Variants in CTNNA3 observed in about 807,000 individuals in gnomAD.
CTNNA3 encodes catenin alpha-3.
CTNNA3 carries 76 observed loss-of-function variants against 95.7 expected under a neutral mutation model. The ratio of observed to expected loss-of-function variants is 0.79; its 90% CI spans 0.66 to 0.96. The LOEUF is 0.96. Among genes scored for constraint, CTNNA3 ranks in the 40% least tolerant of loss-of-function variants. The pLI is 0.00. For missense variants in CTNNA3, 1,191 were observed against 1,089.8 expected, an observed-to-expected ratio of 1.09 and a Z score of -1.31; for synonymous variants, 431 against 374.4, an observed-to-expected ratio of 1.15 and a Z score of -1.74.
At chr10:66,468,031 A>G (rs1020908521) in intron 11 of CTNNA3, among the ~76,000 whole-genome samples, 3 of 152,072 alleles carry the variant, frequency 2.0e-5, no homozygotes, top group African/African-American at 4.8e-5. Context: ...GTTACTAGAC[A>G]TTAATCAACA....
chr10:66,799,165 A>C (rs4414107), intron 7 of CTNNA3, among the ~76,000 whole-genome samples: 129,216 of 151,396 alleles, frequency 0.85, 55,685 homozygotes, highest in East Asian at 1. Context: ...TAAAACAATC[A>C]AGAGCTTCTA....
chr10:66,260,401 C>T (rs2132098271), intron 13 of CTNNA3, among the ~76,000 whole-genome samples: 1 of 152,194 alleles, frequency 6.6e-6, no homozygotes, highest in East Asian at 1.9e-4. Flanking sequence ...CCTAAGTTCC[C>T]ATTCTTTCTG....
intron 15 of CTNNA3, among the ~76,000 whole-genome samples, chr10:66,015,487 A>G (rs1458863192): frequency 6.6e-6 from 1 of 152,202 alleles, no homozygotes; most frequent in Non-Finnish European, 1.5e-5. Context: ...TGTATTGTCA[A>G]TAAGTGCTTC....
intron 7 of CTNNA3, among the ~76,000 whole-genome samples, chr10:67,139,299 ATTT>A (rs60290459): frequency 9.3e-5 from 11 of 117,886 alleles, no homozygotes; most frequent in Admixed American, 2.7e-4. Flanking sequence ...CGCCCGGCTA[ATTT>A]TTTTTTTTTT....
intron 13 of CTNNA3, among the ~76,000 whole-genome samples, chr10:66,230,378 A>C (rs1206946620): frequency 1.3e-5 from 2 of 151,984 alleles, no homozygotes; most frequent in East Asian, 1.9e-4. Context: ...TATTTTCAAT[A>C]ATGTGGGTTG....
chr10:67,564,677 G>A (rs865971840), intron 3 of CTNNA3, among the ~76,000 whole-genome samples: 1,996 of 61,180 alleles, frequency 0.033, 60 homozygotes, highest in African/African-American at 0.071. Flanking sequence ...GTGTGTGTGT[G>A]TATATATATA....
intron 7 of CTNNA3, among the ~76,000 whole-genome samples, chr10:66,879,362 C>T (rs1844754819): frequency 6.6e-6 from 1 of 152,098 alleles, no homozygotes. Flanking sequence ...ACTTCTAAGC[C>T]ACAGACCTCA....
At chr10:67,392,481 T>C (rs1203847895) in intron 5 of CTNNA3, among the ~76,000 whole-genome samples, 2 of 152,222 alleles carry the variant, frequency 1.3e-5, no homozygotes. Flanking sequence ...CTTCAACCAT[T>C]GTGGAAGTCA....
Position 66,329,301 on chromosome 10 carries a change from C to T in CTNNA3, c.1733-48680G>A, listed in dbSNP as rs373156992. On this transcript the variant is annotated intron_variant, in intron 12 of 17. Coordinates refer to ENST00000433211, the MANE Select transcript of CTNNA3 (RefSeq NM_013266.4). ...TGCCTTTTGCTCTATTCTGGGACCT[C>T]AATAGATTGGATGATACCAATCACT... Among the ~76,000 whole-genome samples the T allele has an allele frequency of 4.6e-4, 70 of 151,984 alleles. 1 individual carries two copies. The South Asian group carries it at 0.014, about 31-fold the overall frequency.
At chr10:66,094,955 C>A (rs1182832052) in intron 14 of CTNNA3, among the ~76,000 whole-genome samples, 1 of 152,072 alleles carries the variant, frequency 6.6e-6, no homozygotes, top group Non-Finnish European at 1.5e-5. Context: ...TAGATTTGTG[C>A]AACTGAATGT....
intron 5 of CTNNA3, among the ~76,000 whole-genome samples, chr10:67,434,337 G>T (rs980113354): frequency 6.6e-6 from 1 of 151,872 alleles, no homozygotes; most frequent in Non-Finnish European, 1.5e-5. Flanking sequence ...AATAGGATAA[G>T]GTCCATAAGC....
chr10:66,116,248 C>T (rs2133799843), intron 13 of CTNNA3, among the ~76,000 whole-genome samples: 1 of 152,028 alleles, frequency 6.6e-6, no homozygotes, highest in East Asian at 1.9e-4. Flanking sequence ...TTGTCCTGAC[C>T]AAAGGAATTA....
At chr10:66,207,916 T>G (rs2087868685) in intron 13 of CTNNA3, among the ~76,000 whole-genome samples, 1 of 152,036 alleles carries the variant, frequency 6.6e-6, no homozygotes, top group Non-Finnish European at 1.5e-5. Context: ...CTGTAGTCAT[T>G]CACAGAAGCT....
Position 66,254,860 on chromosome 10 carries a change from G to A in CTNNA3, c.1884+25610C>T, listed in dbSNP as rs142866531. On this transcript the variant is annotated intron_variant, in intron 13 of 17. Transcript: ENST00000433211. ...GCCCTTGGGGCCGAGAAACTGGCCAGGGTTCTTTTCCATTTTTGAATTACC... is the reference window on the plus strand; with the variant it reads ...GCCCTTGGGGCCGAGAAACTGGCCAAGGTTCTTTTCCATTTTTGAATTACC... Among the ~76,000 whole-genome samples the A allele has an allele frequency of 2.1e-3, 323 of 152,304 alleles. 2 individuals are homozygous for A. The highest frequency in any genetic ancestry group is 6.6e-3 in the African/African-American group (276 of 41,582).
chr10:65,939,714 G>T (rs962004623), intron 17 of CTNNA3, among the ~76,000 whole-genome samples: 5 of 151,990 alleles, frequency 3.3e-5, no homozygotes, highest in African/African-American at 1.2e-4. Context: ...ACCAACTTAC[G>T]TACATTATGC....
intron 13 of CTNNA3, among the ~76,000 whole-genome samples, chr10:66,210,368 T>C (rs2131946992): frequency 6.6e-6 from 1 of 151,456 alleles, no homozygotes; most frequent in East Asian, 1.9e-4. Flanking sequence ...CTCTAAATAA[T>C]TGCACATCAA....
intron 13 of CTNNA3, among the ~76,000 whole-genome samples, chr10:66,182,258 T>TC (rs929029335): frequency 6.8e-6 from 1 of 147,066 alleles, no homozygotes; most frequent in African/African-American, 2.5e-5. Flanking sequence ...ATACATTTCT[T>TC]TTTTTTTTTT....
chr10:66,393,705 C>T (rs774131986), intron 11 of CTNNA3, among the ~76,000 whole-genome samples: 63 of 152,038 alleles, frequency 4.1e-4, no homozygotes, highest in Non-Finnish European at 7.6e-4. Flanking sequence ...AGTCTCTCTT[C>T]TTTTCCAGGC....
At chr10:67,323,936 T>C (rs143037583) in intron 5 of CTNNA3, among the ~76,000 whole-genome samples, 28 of 152,266 alleles carry the variant, frequency 1.8e-4, no homozygotes, top group African/African-American at 6.7e-4. Flanking sequence ...TGGTTAGCTG[T>C]ATTCTGTGGT....
Sources: allele counts gnomAD v4.1 joint callset (sites outside exome capture counted in the v4.1 genomes callset), GRCh38; gene constraint gnomAD v4.1.1; transcripts MANE v1.5; gene names NCBI Gene and HGNC (gene_info 2026-07-23, HGNC 2026-07-21).